RBM5: variants seen among roughly 807,000 people sequenced by gnomAD.
RBM5 encodes the protein RNA-binding protein 5.
Under a neutral mutation model 124.6 loss-of-function variants are expected in RBM5, and 15 were observed. The ratio of observed to expected loss-of-function variants is 0.12; its 90% confidence interval spans 0.08 to 0.19. RBM5 has a LOEUF of 0.19. Ranked by LOEUF, RBM5 falls within the 10% of genes least tolerant of loss-of-function variation. The probability of loss-of-function intolerance (pLI) is 1.00; values close to 1 mark genes in which losing one functional copy is unlikely to be tolerated. For synonymous variants in RBM5, 337 were observed against 361.2 expected (o/e 0.93, Z 0.76); for missense variants, 580 against 1,026.5 (o/e 0.57, Z 5.94).
In RBM5 at chr3:50,115,489, T is replaced by A. The variant is rs1276389296; in HGVS notation, c.1901T>A (p.Leu634His). 1.7e-5 allele frequency: 27 copies of A among 1,613,864 alleles called. No homozygotes were observed. The highest frequency in any genetic ancestry group is 2.7e-5 in the African/African-American group (2 of 74,864). Residue 634 changes from leucine (L) to histidine (H), a missense_variant, in exon 21 of 25, where the codon CTT becomes CAT. Coordinates refer to ENST00000347869, the MANE Select transcript of RBM5 (RefSeq NM_005778.4). ...AATGAGGAGGAGCTGGTGGAGAGAC[T>A]TGAGAGTGAGGAAGAGAAGCTAGCT... Reference protein sequence around the residue: ...SDNEEELVERLESEEEKLADW... With the variant: ...SDNEEELVERHESEEEKLADW...
At chr3:50,105,782 G>A in intron 10 of RBM5, 73 bp downstream of exon 10, 1 of 1,513,806 alleles carries the variant, frequency 6.6e-7, no homozygotes, top group Non-Finnish European at 9.0e-7. Flanking sequence ...ATCCAGTTTT[G>A]AAACTGTCTG....
rs115342422 is a variant in RBM5 at position 50,093,537 on chromosome 3, C to T, written c.184-183C>T. Among the ~76,000 whole-genome samples, 1,090 of 151,376 alleles carry T rather than the reference C, an allele frequency of 7.2e-3. 15 individuals carry two copies. Among genetic ancestry groups the T allele is most frequent in the African/African-American group, 0.025 (1,039 of 41,196 alleles). On this transcript the variant is annotated intron_variant, in intron 3 of 24. Coordinates refer to ENST00000347869, the MANE Select transcript of RBM5 (RefSeq NM_005778.4). ...GGAGGGTCATTTGAGGCCAGGAGTT[C>T]AGACCAGCCTGGGTAACATAGTGAG...
chr3:50,109,606 C>A lies in RBM5; in HGVS notation c.1196C>A (p.Thr399Lys). The change falls in exon 15 of 25, where the codon ACA becomes AAA. Residue 399 changes from threonine (T) to lysine (K), a missense_variant. Around this residue, in one of 6 missense-constraint regions of RBM5, gnomAD observed 104 missense variants for 128.7 expected, o/e 0.81. Coordinates refer to ENST00000347869, the MANE Select transcript of RBM5 (RefSeq NM_005778.4). ...TAACACTTGTGTTTATCATCAGGCA[C>A]AGCAGTGACCACCACCTCAGCGGCT... ...LESDASSASGTAVTTTSAAVV... is the reference protein window; with the variant it reads ...LESDASSASGKAVTTTSAAVV... The A allele has an allele frequency of 1.9e-6, 3 of 1,613,838 alleles. No individual in the cohort carries two copies. Among genetic ancestry groups the A allele is most frequent in the Non-Finnish European group, 2.5e-6 (3 of 1,179,716 alleles).
chr3:50,115,854 T>G (rs372772810), intron 21 of RBM5, 52 bp from the exon 22 acceptor site: 38 of 1,508,302 alleles, frequency 2.5e-5, no homozygotes, highest in Non-Finnish European at 3.1e-5. Context: ...TTAGGACATT[T>G]CAAATTAAGA....
intron 2 of RBM5, among the ~76,000 whole-genome samples, chr3:50,091,600 A>G (rs1425682074): frequency 6.6e-6 from 1 of 152,224 alleles, no homozygotes; most frequent in African/African-American, 2.4e-5. Flanking sequence ...TCCATTTTCC[A>G]GTAGGCATGA....
Position 50,115,612 on chromosome 3 carries a change from C to T in RBM5, c.2019+5C>T. On this transcript the variant is annotated splice_donor_5th_base_variant and intron_variant, in intron 21 of 24. Transcript: ENST00000347869. ...CAACTCTCAGACCTTCACAAGGTGG[C>T]CATGCTTCTGAGCTGATCTGAGGGG... The T allele has an allele frequency of 6.2e-7, 1 of 1,607,106 alleles. No homozygotes were observed. The highest frequency in any genetic ancestry group is 1.3e-5 in the African/African-American group (1 of 74,592).
In RBM5 at chr3:50,093,936, C is replaced by G. The variant is rs1307690337; in HGVS notation, c.339+61C>G. Reference sequence around the variant, plus strand: ...AGGCACAATGAACTTTGAGCTTCTACCATTATTTTCTCATGCTATTGTTTT... The same window carrying G: ...AGGCACAATGAACTTTGAGCTTCTAGCATTATTTTCTCATGCTATTGTTTT... On this transcript the variant is annotated intron_variant, in intron 4 of 24. Coordinates refer to ENST00000347869, the MANE Select transcript of RBM5 (RefSeq NM_005778.4). The G allele has an allele frequency of 3.3e-6, 5 of 1,531,088 alleles. No homozygotes were observed. The Admixed American group carries it at 8.5e-5, about 26-fold the overall frequency. The allele number at this position is 1,531,088 out of a possible 1,614,324, so 94.8% of individuals were successfully genotyped here. A position where few individuals can be genotyped will look rare whatever the true frequency, so the allele number is the denominator to read the frequency against.
intron 8 of RBM5, chr3:50,104,614 G>A: frequency 3.3e-6 from 1 of 300,852 alleles, no homozygotes; most frequent in South Asian, 7.0e-5. Flanking sequence ...CTGCACTCCA[G>A]CCTGGGCAAC....
intron 24 of RBM5, 166 bp from the exon 25 acceptor site, chr3:50,118,165 T>A: frequency 1.1e-6 from 1 of 924,818 alleles, no homozygotes; most frequent in Non-Finnish European, 1.6e-6. Context: ...ATTCCTCCAG[T>A]CCTTATACTT....
chr3:50,092,835 G>T (rs1248426002), intron 3 of RBM5: 3 of 381,948 alleles, frequency 7.9e-6, no homozygotes, highest in Non-Finnish European at 1.6e-5. Context: ...GATCCCTTGA[G>T]CCCAGGAGTT....
chr3:50,102,844 T>G, intron 6 of RBM5: 1 of 485,418 alleles, frequency 2.1e-6, no homozygotes. Flanking sequence ...CAAGTCAGCG[T>G]TTAGTGTTTG....
rs764312664 is a variant in RBM5 at position 50,110,477 on chromosome 3, C to G, written c.1363+14C>G. 6.2e-7 allele frequency: 1 copy of G among 1,607,648 alleles called. No individual in the cohort carries two copies. The highest frequency in any genetic ancestry group is 1.7e-5 in the Admixed American group (1 of 59,970). The stretch of plus-strand genomic sequence containing the variant: ...GTACCAAATATGGTAAGCCAAACCT[C>G]ATGGGGCTGTTGACAGTTGGAAGGT... On this transcript the variant is annotated intron_variant, in intron 16 of 24. Transcript: ENST00000347869.
chr3:50,103,512 C>T (rs1344940343), intron 7 of RBM5, among the ~76,000 whole-genome samples: 7 of 151,936 alleles, frequency 4.6e-5, no homozygotes, highest in Non-Finnish European at 8.8e-5. Flanking sequence ...CTGGGCATCA[C>T]GGTGCGCGCC....
intron 4 of RBM5, among the ~76,000 whole-genome samples, chr3:50,096,402 C>T (rs1575304785): frequency 6.6e-6 from 1 of 151,776 alleles, no homozygotes; most frequent in East Asian, 2.0e-4. Flanking sequence ...GCAGGAAGAT[C>T]ACTTGAGCCT....
Position 50,118,508 on chromosome 3 carries a change from C to T in RBM5, c.*52C>T, listed in dbSNP as rs759527160. 133 of 1,584,848 alleles carry T rather than the reference C, an allele frequency of 8.4e-5. No homozygotes were observed. In the South Asian group the frequency reaches 1.1e-3, roughly 13 times the overall value. ...GGAGCACAAGAAGTGGTCCATCTCC[C>T]GAATTCGCTGTTACCGCCTGTCTCT... On this transcript the variant is annotated 3_prime_UTR_variant, in exon 25 of 25. Coordinates refer to ENST00000347869, the MANE Select transcript of RBM5 (RefSeq NM_005778.4).
At position 50,100,463 on chromosome 3, in the gene RBM5, A is replaced by G. The variant is rs1169888205; in HGVS notation, c.410-69A>G. ...TCACGCAGTGTTGAAGCAGTGGGAG[A>G]GAGATTCACCTGTTATAAAGGAACT... On this transcript the variant is annotated intron_variant, in intron 5 of 24. Transcript: ENST00000347869. The surrounding 1 kb of genome is among the most constrained non-coding windows in gnomAD (Gnocchi z 5.1). The G allele has an allele frequency of 7.6e-7, 1 of 1,318,126 alleles. No individual in the cohort carries two copies. 81.7% of individuals were successfully genotyped at this position (1,318,126 alleles called of 1,614,324 possible).
chr3:50,090,165 A>T (rs1487544542), intron 1 of RBM5: 3 of 350,802 alleles, frequency 8.6e-6, no homozygotes, highest in Non-Finnish European at 1.6e-5. Flanking sequence ...CTAATATTTT[A>T]AAATATGCTT....
intron 2 of RBM5, 111 bp downstream of exon 2, chr3:50,090,562 T>C: frequency 1.6e-6 from 2 of 1,229,500 alleles, no homozygotes; most frequent in African/African-American, 1.5e-5. Context: ...CAGGCATTGC[T>C]AACGAACACC....
Position 50,117,776 on chromosome 3 carries a change from C to CAA in RBM5, c.2322+410_2322+411dup, listed in dbSNP as rs59601460. Reference sequence around the variant, plus strand: ...AGCCTGGGCAACAGCGACTCTGTCTCAAAAAAAAAAAAAATTTAGTAGGGT... The same window carrying CAA: ...AGCCTGGGCAACAGCGACTCTGTCTCAAAAAAAAAAAAAAAATTTAGTAGGGT... On this transcript the variant is annotated intron_variant, in intron 24 of 24. Coordinates refer to ENST00000347869, the MANE Select transcript of RBM5 (RefSeq NM_005778.4). This position sits in a 1 kb window ranked among gnomAD's most constrained non-coding sequence, Gnocchi z 4.2. The CAA allele has an allele frequency of 0.011, 1,704 of 148,576 alleles. 12 individuals carry two copies. Among genetic ancestry groups the CAA allele is most frequent in the South Asian group, 0.017 (82 of 4,896 alleles). The allele number at this position is 148,576 out of a possible 1,614,324, so 9.2% of individuals were successfully genotyped here.
Sources: gnomAD v4.1 joint callset for allele counts (sites outside exome capture counted in the v4.1 genomes callset) on GRCh38, gnomAD v4.1.1 for gene constraint, gnomAD v4.1.1 regional missense constraint, Gnocchi (gnomAD v3.1) non-coding constraint, MANE v1.5 for transcripts, NCBI Gene and HGNC (gene_info 2026-07-23, HGNC 2026-07-21) for gene names.